TOGARAM2: variants seen among roughly 807,000 people sequenced by gnomAD.
TOGARAM2 encodes TOG array regulator of axonemal microtubules 2.
Under a neutral mutation model 93.3 loss-of-function variants are expected in TOGARAM2, and 85 were observed. The observed-to-expected ratio is 0.91, with a 90% CI of 0.76 to 1.09. The LOEUF is 1.09. TOGARAM2 is among the 50% of genes least tolerant of loss of function. The pLI, the probability that TOGARAM2 is intolerant of heterozygous loss-of-function variation, is 0.00. For synonymous variants in TOGARAM2, 593 were observed against 552.8 expected (o/e 1.07, Z -1.02); for missense variants, 1,277 against 1,334.5 (o/e 0.96, Z 0.67).
At chr2:29,049,210 A>G (rs1666937076) in intron 19 of TOGARAM2, 1 of 152,184 alleles carries the variant, frequency 6.6e-6, no homozygotes, top group Non-Finnish European at 1.5e-5. Context: ...CATGTTGGCC[A>G]GGCTGGTCTT....
rs895362613 is a variant in TOGARAM2 at position 28,971,217 on chromosome 2, C to CT, written c.-147+14530dup. The CT allele has an allele frequency of 2.7e-4, 40 of 148,966 alleles. 2 individuals are homozygous for CT. In the South Asian group the frequency reaches 4.1e-3, roughly 15 times the overall value. 9.2% of individuals were successfully genotyped at this position (148,966 alleles called of 1,614,324 possible). A position where few individuals can be genotyped will look rare whatever the true frequency, so the allele number is the denominator to read the frequency against. ...GTTTGGTGGGAGTTTAGTTTCTTTTCTTTTTTTTTTATGAGTCAGGGTCTT... is the reference window on the plus strand; with the variant it reads ...GTTTGGTGGGAGTTTAGTTTCTTTTCTTTTTTTTTTTATGAGTCAGGGTCTT... On this transcript the variant is annotated intron_variant, in intron 1 of 6. Transcript: ENST00000401723.
intron 19 of TOGARAM2, chr2:29,047,723 C>T (rs1205917889): frequency 6.6e-6 from 1 of 152,282 alleles, no homozygotes; most frequent in African/African-American, 2.4e-5. Flanking sequence ...AAGACGTGAT[C>T]AGAGAAGGTG....
intron 7 of TOGARAM2, among the ~76,000 whole-genome samples, chr2:29,013,438 G>A (rs1379885924): frequency 2.0e-5 from 3 of 152,294 alleles, no homozygotes; most frequent in Middle Eastern, 3.4e-3. Context: ...TCTGCAAGCT[G>A]GGGAAGAGAG....
intron 1 of TOGARAM2, among the ~76,000 whole-genome samples, chr2:28,973,022 C>T (rs1671970786): frequency 6.6e-6 from 1 of 152,194 alleles, no homozygotes. Context: ...CAGAATGGAG[C>T]CCTCTTGTTT....
At chr2:29,018,348 G>A (rs1230766266) in intron 10 of TOGARAM2, 1 of 175,324 alleles carries the variant, frequency 5.7e-6, no homozygotes, top group East Asian at 1.6e-4. Context: ...AAATGTCAGG[G>A]CTGGACAGCA....
chr2:29,003,689 G>A lies in TOGARAM2; in HGVS notation c.830+7G>A, dbSNP rs1673452909. ...TGAGGGCCCCACGCACGCGGTAAGA[G>A]CTCCAAGTCAAACCTTCCTTGCTGA... On this transcript the variant is annotated splice_region_variant and intron_variant, in intron 6 of 19. Transcript: ENST00000379558. 4.6e-6 allele frequency: 7 copies of A among 1,509,878 alleles called. No homozygotes were observed. The South Asian group carries it at 5.1e-5, about 11-fold the overall frequency. 93.5% of individuals were successfully genotyped at this position (1,509,878 alleles called of 1,614,324 possible). A position where few individuals can be genotyped will look rare whatever the true frequency, so the allele number is the denominator to read the frequency against.
At chr2:29,011,403 G>A in intron 6 of TOGARAM2, 52 bp from the exon 7 acceptor site, 8 of 1,582,822 alleles carry the variant, frequency 5.1e-6, no homozygotes. Context: ...CCCCAGCAGT[G>A]TCTCTGGCTG....
At chr2:28,962,685 T>A (rs1384121363) in intron 1 of TOGARAM2, among the ~76,000 whole-genome samples, 1 of 151,918 alleles carries the variant, frequency 6.6e-6, no homozygotes, top group African/African-American at 2.4e-5. Context: ...ATACACTGCT[T>A]TAGTTGCACC....
At chr2:28,971,633 C>T (rs1339566156) in intron 1 of TOGARAM2, among the ~76,000 whole-genome samples, 3 of 152,034 alleles carry the variant, frequency 2.0e-5, no homozygotes, top group African/African-American at 4.8e-5. Flanking sequence ...TTTGTTTCTT[C>T]TCTGAGATAT....
intron 1 of TOGARAM2, among the ~76,000 whole-genome samples, chr2:28,994,493 G>A (rs1488952138): frequency 6.6e-6 from 1 of 152,160 alleles, no homozygotes; most frequent in Non-Finnish European, 1.5e-5. Flanking sequence ...AGGGATGGCA[G>A]GTTGATGGGT....
chr2:29,032,184 G>T (rs956939678), intron 14 of TOGARAM2, among the ~76,000 whole-genome samples: 5 of 152,176 alleles, frequency 3.3e-5, no homozygotes, highest in African/African-American at 7.2e-5. Flanking sequence ...GCAAACTGAA[G>T]CCTAACTCCT....
At position 29,026,925 on chromosome 2, in the gene TOGARAM2, G is replaced by T; in HGVS notation, c.1926G>T (p.Glu642Asp). 1 of 1,584,196 alleles carries T rather than the reference G, an allele frequency of 6.3e-7. No homozygotes were observed. Residue 642 changes from glutamate to aspartate, a missense_variant, in exon 14 of 20, where the codon GAG becomes GAT. By Grantham distance (45) the Glu-to-Asp change is conservative. Transcript: ENST00000379558. ...CTGTGCTGGAGCAGATCGGCGCTGAGAAGCTTCTCTCGGGCACCAGAGACA... is the reference window on the plus strand; with the variant it reads ...CTGTGCTGGAGCAGATCGGCGCTGATAAGCTTCTCTCGGGCACCAGAGACA... Reference protein sequence around the residue: ...LSAVLEQIGAEKLLSGTRDST... With the variant: ...LSAVLEQIGADKLLSGTRDST...
intron 1 of TOGARAM2, among the ~76,000 whole-genome samples, chr2:28,958,237 G>C (rs1409068458): frequency 1.3e-5 from 2 of 152,060 alleles, no homozygotes; most frequent in African/African-American, 4.8e-5. Flanking sequence ...AATGAGTGGA[G>C]AGCGTATGGC....
intron 3 of TOGARAM2, 86 bp downstream of exon 3, chr2:28,998,339 C>T (rs1187038082): frequency 1.6e-5 from 14 of 856,984 alleles, no homozygotes; most frequent in Non-Finnish European, 2.3e-5. Context: ...GCTGTGTTCT[C>T]GAGCTACCAG....
chr2:28,980,241 C>G (rs944019435), upstream of TOGARAM2, among the ~76,000 whole-genome samples: 2 of 152,208 alleles, frequency 1.3e-5, no homozygotes, highest in African/African-American at 4.8e-5. Flanking sequence ...CTTGCTCCCT[C>G]CTGGATCTTG....
chr2:29,036,937 C>A (rs953442041), intron 18 of TOGARAM2, among the ~76,000 whole-genome samples, 180 bp downstream of exon 18: 1 of 152,146 alleles, frequency 6.6e-6, no homozygotes, highest in Non-Finnish European at 1.5e-5. Context: ...TTTTCTATGT[C>A]ACAGCCACCC....
chr2:29,051,298 T>G (rs1667047445), intron 19 of TOGARAM2: 1 of 153,270 alleles, frequency 6.5e-6, no homozygotes, highest in Non-Finnish European at 1.5e-5. Flanking sequence ...CTGGAGAGGT[T>G]GGTTCAGCAT....
chr2:29,016,941 T>C (rs571861329), intron 8 of TOGARAM2, among the ~76,000 whole-genome samples: 1 of 152,348 alleles, frequency 6.6e-6, no homozygotes, highest in African/African-American at 2.4e-5. Context: ...CTCTGTCTCC[T>C]TACTTTTCTT....
intron 1 of TOGARAM2, among the ~76,000 whole-genome samples, chr2:28,961,016 C>CT (rs1424110571): frequency 2.6e-5 from 4 of 151,948 alleles, no homozygotes; most frequent in East Asian, 1.9e-4. Context: ...CTTTCTTTTT[C>CT]TTTTTTTTGG....
Sources: allele counts gnomAD v4.1 joint callset (sites outside exome capture counted in the v4.1 genomes callset), GRCh38; gene constraint gnomAD v4.1.1; transcripts MANE v1.5; gene names NCBI Gene and HGNC (gene_info 2026-07-23, HGNC 2026-07-21).